PRKN: variants seen among roughly 807,000 people sequenced by gnomAD.
The protein encoded by PRKN is parkin RBR E3 ubiquitin protein ligase.
Under a neutral mutation model 59.5 loss-of-function variants are expected in PRKN, and 56 were observed. The observed-to-expected ratio is 0.94, with a 90% CI of 0.76 to 1.18. PRKN has a LOEUF of 1.18. PRKN is among the 50% of genes most tolerant of loss of function. PRKN has a pLI of 0.00. For synonymous variants in PRKN, 250 were observed against 222.1 expected, an observed-to-expected ratio of 1.13 and a Z score of -1.12; for missense variants, 657 against 596.4, an observed-to-expected ratio of 1.10 and a Z score of -1.06.
chr6:162,580,647 A>G (rs1562405060), intron 1 of PRKN, among the ~76,000 whole-genome samples: 1 of 152,034 alleles, frequency 6.6e-6, no homozygotes, highest in Non-Finnish European at 1.5e-5. Context: ...ATTCATCTGG[A>G]TGTGAGAAGG....
rs185148638 is a variant in PRKN, at chr6:162,146,323, T to G, written c.534+54808A>C. On this transcript the variant is annotated intron_variant, in intron 4 of 11. Transcript: ENST00000366898. ...CTCAGTTTATAATCTTTTGCATTTT[T>G]GGGGGTAATATCCAGGTTTGTTCAA... Among the ~76,000 whole-genome samples, 192 of 152,202 alleles carry G rather than the reference T, an allele frequency of 1.3e-3. 1 individual carries two copies. The highest frequency in any genetic ancestry group is 4.0e-3 in the African/African-American group (165 of 41,510).
chr6:162,054,281 G>A, intron 4 of PRKN, 107 bp from the exon 5 acceptor site: 1 of 797,380 alleles, frequency 1.3e-6, no homozygotes, highest in Non-Finnish European at 2.2e-6. Flanking sequence ...TTAGTGTGTA[G>A]TCCAATGATT....
At chr6:162,488,305 C>A (rs1344198220) in intron 1 of PRKN, among the ~76,000 whole-genome samples, 1 of 152,120 alleles carries the variant, frequency 6.6e-6, no homozygotes, top group African/African-American at 2.4e-5. Context: ...GCCCCTATGC[C>A]TGATCCTATT....
At chr6:162,723,457 C>T (rs1779011689) in intron 1 of PRKN, among the ~76,000 whole-genome samples, 1 of 152,106 alleles carries the variant, frequency 6.6e-6, no homozygotes, top group Admixed American at 6.6e-5. Flanking sequence ...AGGCACTACC[C>T]CTAGGGTGAG....
intron 2 of PRKN, among the ~76,000 whole-genome samples, chr6:162,378,898 C>G (rs187592371): frequency 1.3e-4 from 20 of 152,186 alleles, no homozygotes; most frequent in Non-Finnish European, 2.4e-4. Context: ...TTGGCTGTCT[C>G]TGCAGAGCCA....
At chr6:162,629,330 C>CT (rs1365214444) in intron 1 of PRKN, among the ~76,000 whole-genome samples, 6 of 152,100 alleles carry the variant, frequency 3.9e-5, no homozygotes, top group African/African-American at 1.4e-4. Context: ...ACCATATGGT[C>CT]TGTTAGTCCT....
intron 7 of PRKN, among the ~76,000 whole-genome samples, chr6:161,727,045 G>A (rs746919178): frequency 1.6e-4 from 25 of 152,216 alleles, no homozygotes; most frequent in African/African-American, 5.5e-4. Flanking sequence ...TGGACGAGGC[G>A]GATCTTTTCA....
At chr6:162,521,240 C>T (rs551114208) in intron 1 of PRKN, among the ~76,000 whole-genome samples, 133 of 152,272 alleles carry the variant, frequency 8.7e-4, no homozygotes, top group African/African-American at 3.1e-3. Flanking sequence ...AAACTCATCA[C>T]ATTTTCCAAA....
chr6:161,612,153 T>A (rs1782511498), intron 7 of PRKN, among the ~76,000 whole-genome samples: 1 of 152,150 alleles, frequency 6.6e-6, no homozygotes, highest in Admixed American at 6.5e-5. Flanking sequence ...TCACATAAAG[T>A]GCAAGGTGAA....
chr6:161,644,381 G>C (rs1309996549), intron 7 of PRKN, among the ~76,000 whole-genome samples: 1 of 152,232 alleles, frequency 6.6e-6, no homozygotes, highest in Non-Finnish European at 1.5e-5. Context: ...TTGTATGTGA[G>C]AGAGTTGCAT....
In PRKN at chr6:161,544,361, C is replaced by T. The variant is rs1779721573; in HGVS notation, c.1083+4493G>A. ...TATATTGTATAAGTATATAAAGGTG[C>T]TTACGTATTTTTCAAAGAGCTCTTT... On this transcript the variant is annotated intron_variant, in intron 9 of 11. Transcript: ENST00000366898. The surrounding 1 kb of genome is among the most constrained non-coding windows in gnomAD (Gnocchi z 5.5). 6.6e-6 allele frequency among the ~76,000 whole-genome samples: 1 copy of T among 152,096 alleles called. No homozygotes were observed. The highest frequency in any genetic ancestry group is 2.1e-4 in the South Asian group (1 of 4,824).
At chr6:161,850,205 A>G (rs961050699) in intron 6 of PRKN, among the ~76,000 whole-genome samples, 1 of 152,156 alleles carries the variant, frequency 6.6e-6, no homozygotes. Context: ...ATCTGCTAAG[A>G]AAAATAACAA....
chr6:161,923,905 C>G (rs949634996), intron 6 of PRKN, among the ~76,000 whole-genome samples: 2 of 152,128 alleles, frequency 1.3e-5, no homozygotes, highest in Admixed American at 6.5e-5. Flanking sequence ...AGGAAAGAAA[C>G]GGCCATTCCT....
intron 4 of PRKN, among the ~76,000 whole-genome samples, chr6:162,143,601 C>T (rs1781879985): frequency 1.3e-5 from 2 of 152,032 alleles, no homozygotes; most frequent in Non-Finnish European, 2.9e-5. Context: ...ATATGAGCAG[C>T]CATATGAACT....
chr6:161,921,573 G>A (rs1198859418), intron 6 of PRKN, among the ~76,000 whole-genome samples: 1 of 152,116 alleles, frequency 6.6e-6, no homozygotes, highest in Non-Finnish European at 1.5e-5. Context: ...CTACTACATT[G>A]CAACAGCTAC....
rs200409552 is a variant in PRKN, at chr6:161,548,843, G to C, written c.1083+11C>G. The C allele has an allele frequency of 1.2e-6, 2 of 1,613,212 alleles. No homozygotes were observed. The highest frequency in any genetic ancestry group is 1.7e-6 in the Non-Finnish European group (2 of 1,179,190). ...GGAACACACCGCTCCAGGGGTGTGG[G>C]CAGTACTCACCCCACAGCCCAGGCC... On this transcript the variant is annotated intron_variant, in intron 9 of 11. Transcript: ENST00000366898. The surrounding 1 kb of genome is among the most constrained non-coding windows in gnomAD (Gnocchi z 4.2).
chr6:162,727,491 C>A (rs1040071219), intron 1 of PRKN, among the ~76,000 whole-genome samples, 171 bp downstream of exon 1: 14 of 152,080 alleles, frequency 9.2e-5, no homozygotes, highest in Non-Finnish European at 1.9e-4. Flanking sequence ...GGCCCCGGAC[C>A]CGCGTCGCTG....
intron 7 of PRKN, among the ~76,000 whole-genome samples, chr6:161,759,299 T>G (rs1274544467): frequency 6.6e-6 from 1 of 152,150 alleles, no homozygotes; most frequent in East Asian, 1.9e-4. Flanking sequence ...GCCTGCATCT[T>G]CCCCCTCAGT....
At chr6:162,095,317 T>G (rs1023364878) in intron 4 of PRKN, among the ~76,000 whole-genome samples, 1 of 152,166 alleles carries the variant, frequency 6.6e-6, no homozygotes, top group African/African-American at 2.4e-5. Flanking sequence ...ATGAGCAGAT[T>G]GTGGAACTCT....
Sources: allele counts gnomAD v4.1 joint callset (sites outside exome capture counted in the v4.1 genomes callset), GRCh38; gene constraint gnomAD v4.1.1; non-coding constraint Gnocchi (gnomAD v3.1); transcripts MANE v1.5; gene names NCBI Gene and HGNC (gene_info 2026-07-23, HGNC 2026-07-21).